LHX3: variants seen among roughly 807,000 people sequenced by gnomAD.
LHX3 encodes LIM homeobox 3, also known as LIM/homeobox protein Lhx3.
A neutral mutation model predicts 32.4 loss-of-function variants in LHX3; 21 were observed. The observed-to-expected ratio is 0.65, with a 90% CI of 0.46 to 0.93. The LOEUF (loss-of-function observed/expected upper bound fraction) is 0.93, where lower values mean the gene tolerates loss of function less well. Ranked by LOEUF, LHX3 falls within the 40% of genes least tolerant of loss-of-function variation. The pLI is 0.00. For synonymous variants in LHX3, 258 were observed against 246.8 expected, an observed-to-expected ratio of 1.05 and a Z score of -0.43; for missense variants, 626 against 560.0, an observed-to-expected ratio of 1.12 and a Z score of -1.19.
Position 136,204,914 on chromosome 9 carries a change from A to G in LHX3, c.79+20T>C. On this transcript the variant is annotated intron_variant, in intron 1 of 5. Transcript: ENST00000371748. ...TGCCGCCCTTGCCGTTTCTGTCCTC[A>G]GTGTCCTGCTGGGGCTTACCCCGAG... 1.3e-6 allele frequency: 2 copies of G among 1,583,406 alleles called. No homozygotes were observed. The highest frequency in any genetic ancestry group is 1.7e-6 in the Non-Finnish European group (2 of 1,165,074).
In LHX3 at chr9:136,200,823, C is replaced by T. The variant is rs13300158; in HGVS notation, c.80-70G>A. The T allele has an allele frequency of 6.2e-3, 9,779 of 1,568,310 alleles. 32 individuals carry two copies. Among genetic ancestry groups the T allele is most frequent in the Middle Eastern group, 9.9e-3 (55 of 5,560 alleles). ...CAGTGAAGCCACCTTCCCACCCCAA[C>T]GCGAGCCAGTCTCCCCTCCGGCCCA... is the stretch of plus-strand genomic sequence containing the variant. On this transcript the variant is annotated intron_variant, in intron 1 of 5. Coordinates refer to ENST00000371748, the MANE Select transcript of LHX3 (RefSeq NM_178138.6).
At position 136,197,526 on chromosome 9, in the gene LHX3, C is replaced by T. The variant is rs752480970; in HGVS notation, c.993G>A (p.Gln331=). 3.4e-5 allele frequency: 52 copies of T among 1,529,230 alleles called. No homozygotes were observed. The East Asian group carries it at 1.2e-3, about 36-fold the overall frequency. 94.7% of individuals were successfully genotyped at this position (1,529,230 alleles called of 1,614,324 possible). Residue 331 remains glutamine, a synonymous_variant, in exon 6 of 6, where the codon CAG becomes CAA. Coordinates refer to ENST00000371748, the MANE Select transcript of LHX3 (RefSeq NM_178138.6). Reference sequence around the variant, plus strand: ...GGTACACCAGGCTGGAGAGGAGGGGCTGGGGGCCAGGGAGGCTCTGCGGGG... The same window carrying T: ...GGTACACCAGGCTGGAGAGGAGGGGTTGGGGGCCAGGGAGGCTCTGCGGGG... ...PAAPQSLPGP[Q]PLLSSLVYPD...
intron 5 of LHX3, 121 bp from the exon 6 acceptor site, chr9:136,197,864 C>T: frequency 1.0e-6 from 1 of 996,578 alleles, no homozygotes; most frequent in Non-Finnish European, 1.5e-6. Context: ...CACCACATGA[C>T]AGGTCATAAC....
In LHX3 at chr9:136,199,897, G is replaced by T. The variant is rs1259831457; in HGVS notation, c.252-17C>A. ...CCGAAGCGCCTGCGGGACGCACAGGGCCGGGCTCAGCGCGGAAGCGCGAGG... is the reference window on the plus strand; with the variant it reads ...CCGAAGCGCCTGCGGGACGCACAGGTCCGGGCTCAGCGCGGAAGCGCGAGG... On this transcript the variant is annotated splice_polypyrimidine_tract_variant and intron_variant, in intron 2 of 5. Transcript: ENST00000371748. 6.4e-7 allele frequency: 1 copy of T among 1,566,862 alleles called. No individual in the cohort carries two copies. The highest frequency in any genetic ancestry group is 8.6e-7 in the Non-Finnish European group (1 of 1,157,172).
rs146921229 is a variant in LHX3, at chr9:136,200,492, G to A, written c.251+90C>T. ...TGGGATTGCGAGAGACGCAGGCTTC[G>A]AGGGCCTGGCCTTGGTGATTGTGAG... On this transcript the variant is annotated intron_variant, in intron 2 of 5. Coordinates refer to ENST00000371748, the MANE Select transcript of LHX3 (RefSeq NM_178138.6). 1.3e-4 allele frequency: 184 copies of A among 1,407,036 alleles called. No homozygotes were observed. In the East Asian group the frequency reaches 4.1e-3, roughly 31 times the overall value. 87.2% of individuals were successfully genotyped at this position (1,407,036 alleles called of 1,614,324 possible). A position where few individuals can be genotyped will look rare whatever the true frequency, so the allele number is the denominator to read the frequency against.
chr9:136,200,463 G>T, intron 2 of LHX3, 119 bp downstream of exon 2: 2 of 1,164,026 alleles, frequency 1.7e-6, no homozygotes, highest in Non-Finnish European at 2.5e-6. Flanking sequence ...TGACAGGAGT[G>T]GGCTGGGATT....
intron 1 of LHX3, 85 bp from the exon 2 acceptor site, chr9:136,200,838 C>T: frequency 2.0e-6 from 3 of 1,485,486 alleles, no homozygotes; most frequent in East Asian, 2.3e-5. Context: ...GCCAGTCTCC[C>T]CTCCGGCCCA....
chr9:136,199,031 G>A lies in LHX3; in HGVS notation c.483C>T (p.Arg161=), dbSNP rs1478510560. The A allele has an allele frequency of 4.4e-6, 7 of 1,580,112 alleles. No homozygotes were observed. Among genetic ancestry groups the A allele is most frequent in the Non-Finnish European group, 5.1e-6 (6 of 1,168,854 alleles). The part of the protein sequence containing the change: ...REAEATAKRP[R]TTITAKQLET... Reference sequence around the variant, plus strand: ...CCAGCTGCTTGGCGGTGATGGTCGTGCGCGGCCGCTTGGCCGTGGCCTCGG... The same window carrying A: ...CCAGCTGCTTGGCGGTGATGGTCGTACGCGGCCGCTTGGCCGTGGCCTCGG... The change falls in exon 4 of 6, where the codon CGC becomes CGT. Residue 161 remains arginine (R), a synonymous_variant. Coordinates refer to ENST00000371748, the MANE Select transcript of LHX3 (RefSeq NM_178138.6).
chr9:136,202,428 C>T (rs1831663929), intron 1 of LHX3, among the ~76,000 whole-genome samples: 1 of 152,162 alleles, frequency 6.6e-6, no homozygotes, highest in Non-Finnish European at 1.5e-5. Flanking sequence ...AGAAGAGAGG[C>T]TTTTTCCTAC....
At chr9:136,201,655 G>C (rs1831642065) in intron 1 of LHX3, 2 of 990,448 alleles carry the variant, frequency 2.0e-6, no homozygotes, top group South Asian at 4.7e-5. Context: ...GACCCCGCCG[G>C]CTCCAGCCCA....
intron 2 of LHX3, 175 bp downstream of exon 2, chr9:136,200,407 A>C (rs1831611218): frequency 1.4e-6 from 1 of 691,772 alleles, no homozygotes. Context: ...ACCCATGGAG[A>C]GGCCCCACCC....
chr9:136,199,011 T>C lies in LHX3; in HGVS notation c.503A>G (p.Gln168Arg). ...GTAAGCGCTCTTCAGCGTCTCCAGC[T>C]GCTTGGCGGTGATGGTCGTGCGCGG... ...KRPRTTITAKQLETLKSAYNT... is the reference protein window; with the variant it reads ...KRPRTTITAKRLETLKSAYNT... Residue 168 changes from glutamine to arginine, a missense_variant, in exon 4 of 6, where the codon CAG becomes CGG. Coordinates refer to ENST00000371748, the MANE Select transcript of LHX3 (RefSeq NM_178138.6). The C allele has an allele frequency of 2.5e-6, 4 of 1,588,910 alleles. No homozygotes were observed. The highest frequency in any genetic ancestry group is 1.4e-5 in the African/African-American group (1 of 72,142).
In LHX3 at chr9:136,197,529, G is replaced by C; in HGVS notation, c.990C>G (p.Pro330=). ...SPAAPQSLPG[P]QPLLSSLVYP... ...ACACCAGGCTGGAGAGGAGGGGCTG[G>C]GGGCCAGGGAGGCTCTGCGGGGCGG... Residue 330 remains proline (P), a synonymous_variant, in exon 6 of 6, where the codon CCC becomes CCG. Transcript: ENST00000371748. The C allele has an allele frequency of 6.5e-7, 1 of 1,534,448 alleles. No individual in the cohort carries two copies. Among genetic ancestry groups the C allele is most frequent in the Non-Finnish European group, 8.8e-7 (1 of 1,136,984 alleles).
rs576354356 is a variant in LHX3, at chr9:136,197,247, C to A, written c.*78G>T. 4 of 1,512,080 alleles carry A rather than the reference C, an allele frequency of 2.6e-6. No individual in the cohort carries two copies. The highest frequency in any genetic ancestry group is 3.6e-6 in the Non-Finnish European group (4 of 1,099,816). 93.7% of individuals were successfully genotyped at this position (1,512,080 alleles called of 1,614,324 possible). On this transcript the variant is annotated 3_prime_UTR_variant, in exon 6 of 6. Transcript: ENST00000371748. ...CCTTGACGCCCTGGCCCCACTTCCT[C>A]GGAAACCCCAGCAGCCCCGAGCCGC...
chr9:136,197,283 G>A lies in LHX3; in HGVS notation c.*42C>T. The A allele has an allele frequency of 2.5e-6, 4 of 1,605,974 alleles. No individual in the cohort carries two copies. In the African/African-American group the frequency reaches 4.0e-5, roughly 16 times the overall value. On this transcript the variant is annotated 3_prime_UTR_variant, in exon 6 of 6. Coordinates refer to ENST00000371748, the MANE Select transcript of LHX3 (RefSeq NM_178138.6). ...GCAGCCCCGAGCCGCCCACCCAGGG[G>A]CAGCTCCCTCGTGTGAGGTGCAGGG...
Position 136,199,645 on chromosome 9 carries a change from A to G in LHX3, c.454+33T>C, listed in dbSNP as rs181430265. The stretch of plus-strand genomic sequence containing the variant: ...GCCTCAGCCCCATTTTTTTCAGACC[A>G]GGAAAGGTGGGAGCGTCGTCCCCTC... On this transcript the variant is annotated intron_variant, in intron 3 of 5. Coordinates refer to ENST00000371748, the MANE Select transcript of LHX3 (RefSeq NM_178138.6). The G allele has an allele frequency of 1.3e-4, 210 of 1,609,840 alleles. No individual in the cohort carries two copies. In the African/African-American group the frequency reaches 2.1e-3, roughly 16 times the overall value.
rs1304231705 is a variant in LHX3, at chr9:136,197,024, T to C, written c.*301A>G. 9 of 518,692 alleles carry C rather than the reference T, an allele frequency of 1.7e-5. No homozygotes were observed. The highest frequency in any genetic ancestry group is 3.1e-5 in the Non-Finnish European group (9 of 288,102). The allele number at this position is 518,692 out of a possible 1,614,324, so 32.1% of individuals were successfully genotyped here. A position where few individuals can be genotyped will look rare whatever the true frequency, so the allele number is the denominator to read the frequency against. Reference sequence around the variant, plus strand: ...GGGCTGGGCCTCAGCAAGGTGACATTTCATGTCTAGAAATAGCAGCAAGTG... The same window carrying C: ...GGGCTGGGCCTCAGCAAGGTGACATCTCATGTCTAGAAATAGCAGCAAGTG... On this transcript the variant is annotated 3_prime_UTR_variant, in exon 6 of 6. Coordinates refer to ENST00000371748, the MANE Select transcript of LHX3 (RefSeq NM_178138.6).
intron 1 of LHX3, chr9:136,203,130 A>G (rs1831686100): frequency 7.4e-7 from 1 of 1,349,006 alleles, no homozygotes; most frequent in Non-Finnish European, 9.5e-7. Flanking sequence ...CCGGCGTCCA[A>G]GCGACTCCGG....
At chr9:136,202,038 G>T (rs1251087122) in intron 1 of LHX3, among the ~76,000 whole-genome samples, 1 of 152,032 alleles carries the variant, frequency 6.6e-6, no homozygotes, top group Non-Finnish European at 1.5e-5. Flanking sequence ...GGCGACTCCA[G>T]CCCTGGCGGG....
Sources: allele counts gnomAD v4.1 joint callset (sites outside exome capture counted in the v4.1 genomes callset), GRCh38; gene constraint gnomAD v4.1.1; transcripts MANE v1.5; gene names NCBI Gene and HGNC (gene_info 2026-07-23, HGNC 2026-07-21).